The following SRFBP1 variants were observed in gnomAD, a reference collection of about 807,000 sequenced individuals.
The protein encoded by SRFBP1 is serum response factor binding protein 1.
A neutral mutation model predicts 45.5 loss-of-function variants in SRFBP1; 47 were observed. The ratio of observed to expected loss-of-function variants is 1.03; its 90% CI spans 0.82 to 1.32. The LOEUF (loss-of-function observed/expected upper bound fraction) is 1.32, where lower values mean the gene tolerates loss of function less well. SRFBP1 is among the 40% of genes most tolerant of loss of function. The pLI, the probability that SRFBP1 is intolerant of heterozygous loss-of-function variation, is 0.00. For missense variants in SRFBP1, 621 were observed against 484.6 expected, an observed-to-expected ratio of 1.28 and a Z score of -2.64; for synonymous variants, 203 against 166.3, an observed-to-expected ratio of 1.22 and a Z score of -1.70.
Position 121,962,153 on chromosome 5 carries a change from A to T in SRFBP1, c.36+85A>T. 3 of 1,559,010 alleles carry T rather than the reference A, an allele frequency of 1.9e-6. No homozygotes were observed. The Admixed American group carries it at 5.1e-5, about 26-fold the overall frequency. On this transcript the variant is annotated intron_variant, in intron 1 of 7. Coordinates refer to ENST00000339397, the MANE Select transcript of SRFBP1 (RefSeq NM_152546.3). ...GACGCGTGGTCGGAGGCGGGCATAGAGGGTGCGGTTGGAGGAACTTTCGTG... is the reference window on the plus strand; with the variant it reads ...GACGCGTGGTCGGAGGCGGGCATAGTGGGTGCGGTTGGAGGAACTTTCGTG...
intron 1 of SRFBP1, among the ~76,000 whole-genome samples, chr5:121,970,560 C>T (rs1310258586): frequency 2.6e-5 from 4 of 151,062 alleles, no homozygotes; most frequent in African/African-American, 9.7e-5. Context: ...TTCCTTAAGC[C>T]TTGTCTGTGT....
At position 122,042,491 on chromosome 5, in the gene SRFBP1, A is replaced by G. The variant is rs181739321; in HGVS notation, n.311+20084A>G. Among the ~76,000 whole-genome samples, 9 of 152,238 alleles carry G rather than the reference A, an allele frequency of 5.9e-5. No individual in the cohort carries two copies. In the East Asian group the frequency reaches 1.5e-3, roughly 26 times the overall value. ...TATTCTTGAACCCTGAGCTCAACTG[A>G]TCCTCTTTCCTTGGCTTCCCAAAGT... On this transcript the variant is annotated intron_variant and non_coding_transcript_variant, in intron 2 of 2. Transcript: ENST00000504881.
At chr5:122,012,441 T>C (rs1367162069) in intron 4 of SRFBP1, among the ~76,000 whole-genome samples, 1 of 152,104 alleles carries the variant, frequency 6.6e-6, no homozygotes, top group Non-Finnish European at 1.5e-5. Flanking sequence ...TATTGGTCTT[T>C]TAAGAATGGA....
At chr5:121,996,808 C>T (rs1752737000) in intron 4 of SRFBP1, among the ~76,000 whole-genome samples, 1 of 136,756 alleles carries the variant, frequency 7.3e-6, no homozygotes, top group African/African-American at 3.0e-5. Flanking sequence ...TAAGCAACTT[C>T]AGCAAAGTCT....
chr5:122,045,936 T>A (rs1753848223), intron 2 of SRFBP1, among the ~76,000 whole-genome samples: 1 of 152,208 alleles, frequency 6.6e-6, no homozygotes. Flanking sequence ...CTTTGCCTGC[T>A]TTCAAGGGGA....
At chr5:122,032,335 A>G (rs150092106), downstream of SRFBP1, among the ~76,000 whole-genome samples, 278 of 152,016 alleles carry the variant, frequency 1.8e-3, 3 homozygotes, top group African/African-American at 6.3e-3. Context: ...ACAAAATACT[A>G]TAATCGGAGG....
intron 4 of SRFBP1, among the ~76,000 whole-genome samples, chr5:122,013,249 C>T (rs1406674891): frequency 6.6e-6 from 1 of 152,018 alleles, no homozygotes; most frequent in Non-Finnish European, 1.5e-5. Flanking sequence ...TAACATTTTT[C>T]ATATTTCAAT....
chr5:122,001,663 G>A (rs2972349), intron 4 of SRFBP1, among the ~76,000 whole-genome samples: 118,712 of 150,374 alleles, frequency 0.79, 47,102 homozygotes, highest in East Asian at 0.91. Flanking sequence ...CCGGGTTCAC[G>A]CCATTCTCCT....
At chr5:121,967,235 G>T (rs751259126) in intron 1 of SRFBP1, among the ~76,000 whole-genome samples, 81 of 152,160 alleles carry the variant, frequency 5.3e-4, no homozygotes, top group Non-Finnish European at 1.0e-3. Context: ...AGAATGTCAA[G>T]AACCACGTTT....
At chr5:122,025,100 A>G (rs1472367010) in intron 7 of SRFBP1, among the ~76,000 whole-genome samples, 15 of 151,860 alleles carry the variant, frequency 9.9e-5, no homozygotes, top group Admixed American at 8.5e-4. Flanking sequence ...TCCTAATGCT[A>G]TCCCTCCCCA....
At chr5:122,055,821 T>G (rs1162487611) in intron 2 of SRFBP1, among the ~76,000 whole-genome samples, 3 of 152,012 alleles carry the variant, frequency 2.0e-5, no homozygotes, top group East Asian at 3.9e-4. Context: ...CTTAATGGTG[T>G]TGTGAAAGTT....
intron 3 of SRFBP1, among the ~76,000 whole-genome samples, chr5:121,982,475 A>G (rs138805022): frequency 6.6e-6 from 1 of 152,060 alleles, no homozygotes; most frequent in Admixed American, 6.6e-5. Context: ...TATAGGAGTC[A>G]TGATTTTCAT....
chr5:121,963,587 T>G (rs994816750), intron 1 of SRFBP1, among the ~76,000 whole-genome samples: 3 of 152,200 alleles, frequency 2.0e-5, no homozygotes, highest in Non-Finnish European at 2.9e-5. Flanking sequence ...TAGGAAACCT[T>G]CATTAACTCC....
chr5:122,023,166 G>T (rs1258311246), intron 7 of SRFBP1, among the ~76,000 whole-genome samples: 1 of 152,198 alleles, frequency 6.6e-6, no homozygotes, highest in Non-Finnish European at 1.5e-5. Context: ...GCTAAGAAAT[G>T]CAGTCTTACT....
intron 2 of SRFBP1, among the ~76,000 whole-genome samples, chr5:122,040,325 G>A (rs977900572): frequency 2.0e-5 from 3 of 152,170 alleles, no homozygotes; most frequent in South Asian, 2.1e-4. Context: ...GCCTAAGTAC[G>A]ATATCATCCT....
intron 4 of SRFBP1, among the ~76,000 whole-genome samples, chr5:122,013,267 G>GTAGT (rs1561591396): frequency 6.6e-6 from 1 of 151,966 alleles, no homozygotes; most frequent in African/African-American, 2.4e-5. Context: ...AATATAACAA[G>GTAGT]TAGTTCATTC....
downstream of SRFBP1, among the ~76,000 whole-genome samples, chr5:122,032,538 C>T (rs1332199066): frequency 3.3e-5 from 5 of 152,106 alleles, no homozygotes; most frequent in African/African-American, 7.2e-5. Context: ...TAGATGATTA[C>T]GTGAACTTTG....
intron 4 of SRFBP1, among the ~76,000 whole-genome samples, chr5:121,998,852 A>G (rs139699303): frequency 1.3e-5 from 2 of 152,104 alleles, no homozygotes; most frequent in East Asian, 3.9e-4. Flanking sequence ...TCATCATTAC[A>G]TTTTTCTACA....
At chr5:122,000,484 G>T (rs1228550471) in intron 4 of SRFBP1, among the ~76,000 whole-genome samples, 1 of 151,982 alleles carries the variant, frequency 6.6e-6, no homozygotes, top group Non-Finnish European at 1.5e-5. Flanking sequence ...TCTGCTGGCA[G>T]TAAGTTTCTA....
Sources: gnomAD v4.1 joint callset for allele counts (sites outside exome capture counted in the v4.1 genomes callset) on GRCh38, gnomAD v4.1.1 for gene constraint, MANE v1.5 for transcripts, NCBI Gene and HGNC (gene_info 2026-07-23, HGNC 2026-07-21) for gene names.